The following LUZP2 variants were observed in gnomAD, a reference collection of about 807,000 sequenced individuals.
LUZP2 encodes the protein leucine zipper protein 2.
In LUZP2, 52 loss-of-function variants were observed where a neutral mutation model predicts 51.6. That is an observed-to-expected ratio of 1.01 (90% CI 0.81 to 1.27). The LOEUF (loss-of-function observed/expected upper bound fraction) is 1.27. Among genes scored for constraint, LUZP2 ranks in the 50% most tolerant of loss-of-function variants. The pLI, the probability that LUZP2 is intolerant of heterozygous loss-of-function variation, is 0.00. For synonymous variants in LUZP2, 154 were observed against 137.3 expected (o/e 1.12, Z -0.85); for missense variants, 436 against 395.4 (o/e 1.10, Z -0.87).
intron 1 of LUZP2, among the ~76,000 whole-genome samples, chr11:24,522,127 T>G (rs1242366992): frequency 1.3e-5 from 2 of 152,112 alleles, no homozygotes; most frequent in African/African-American, 4.8e-5. Context: ...TTAAATAAAG[T>G]GCTATGGTAG....
chr11:25,025,434 T>C (rs949743401), intron 9 of LUZP2, among the ~76,000 whole-genome samples: 18 of 152,022 alleles, frequency 1.2e-4, no homozygotes, highest in African/African-American at 4.3e-4. Context: ...ACAAATAATT[T>C]AAACAAATTT....
At chr11:24,653,441 T>C (rs1195752759) in intron 1 of LUZP2, among the ~76,000 whole-genome samples, 1 of 152,014 alleles carries the variant, frequency 6.6e-6, no homozygotes, top group Non-Finnish European at 1.5e-5. Flanking sequence ...CATTCATGGA[T>C]TTGATTTTGG....
chr11:25,066,674 T>C (rs1319214093), intron 10 of LUZP2, among the ~76,000 whole-genome samples: 2 of 151,968 alleles, frequency 1.3e-5, no homozygotes, highest in Non-Finnish European at 2.9e-5. Flanking sequence ...TGAGTTAGCA[T>C]GATAAAATCC....
chr11:24,618,451 C>A (rs1267462228), intron 1 of LUZP2, among the ~76,000 whole-genome samples: 2 of 152,068 alleles, frequency 1.3e-5, no homozygotes, highest in African/African-American at 4.8e-5. Context: ...GGAGTGGAGC[C>A]ACCATTTTTT....
intron 5 of LUZP2, among the ~76,000 whole-genome samples, chr11:24,790,546 G>T (rs180699308): frequency 6.6e-6 from 1 of 151,808 alleles, no homozygotes; most frequent in Admixed American, 6.6e-5. Context: ...CTGTCATCCA[G>T]CCTGTAGTGC....
At chr11:25,020,812 A>T (rs2133973917) in intron 9 of LUZP2, among the ~76,000 whole-genome samples, 1 of 152,096 alleles carries the variant, frequency 6.6e-6, no homozygotes, top group Non-Finnish European at 1.5e-5. Flanking sequence ...TATTCAATTG[A>T]TTGTATTCTG....
intron 1 of LUZP2, among the ~76,000 whole-genome samples, chr11:24,572,224 C>A (rs1852466757): frequency 6.6e-6 from 1 of 151,932 alleles, no homozygotes; most frequent in Non-Finnish European, 1.5e-5. Context: ...TGAATTATTT[C>A]AGTTTTTAGA....
At chr11:25,016,000 A>C (rs573851844) in intron 9 of LUZP2, among the ~76,000 whole-genome samples, 41 of 150,006 alleles carry the variant, frequency 2.7e-4, no homozygotes, top group African/African-American at 1.0e-3. Flanking sequence ...GGCTCACTGC[A>C]AGCTCCACCT....
At chr11:24,707,077 A>T (rs1857615169) in intron 1 of LUZP2, among the ~76,000 whole-genome samples, 1 of 152,008 alleles carries the variant, frequency 6.6e-6, no homozygotes, top group Non-Finnish European at 1.5e-5. Context: ...CTATTTACTC[A>T]TTCTTCTTCC....
At chr11:24,685,873 A>G (rs552382473) in intron 1 of LUZP2, among the ~76,000 whole-genome samples, 22 of 152,314 alleles carry the variant, frequency 1.4e-4, no homozygotes, top group African/African-American at 5.3e-4. Flanking sequence ...AAGAAATTTA[A>G]TTGTGAGTCT....
At chr11:24,788,100 G>A (rs184514811) in intron 5 of LUZP2, among the ~76,000 whole-genome samples, 5 of 151,566 alleles carry the variant, frequency 3.3e-5, no homozygotes, top group African/African-American at 9.7e-5. Flanking sequence ...TTACTACTTC[G>A]AAGCAATCCT....
At chr11:24,523,881 A>G (rs1850720072) in intron 1 of LUZP2, among the ~76,000 whole-genome samples, 1 of 151,820 alleles carries the variant, frequency 6.6e-6, no homozygotes. Context: ...TTTATATTTA[A>G]GTAAAGAAAA....
intron 9 of LUZP2, among the ~76,000 whole-genome samples, chr11:25,014,804 T>C (rs984824607): frequency 5.9e-5 from 9 of 152,214 alleles, no homozygotes; most frequent in African/African-American, 2.2e-4. Context: ...CTTTTGGTGT[T>C]TTAGACATGA....
intron 10 of LUZP2, among the ~76,000 whole-genome samples, chr11:25,054,437 C>T (rs945158265): frequency 2.0e-5 from 3 of 151,990 alleles, no homozygotes; most frequent in Non-Finnish European, 4.4e-5. Context: ...TCTCATATAA[C>T]GTGTGTGCTT....
At chr11:24,755,159 A>T (rs569716949) in intron 4 of LUZP2, among the ~76,000 whole-genome samples, 1 of 152,240 alleles carries the variant, frequency 6.6e-6, no homozygotes, top group African/African-American at 2.4e-5. Context: ...AACAGAAAAA[A>T]AAAACACACA....
chr11:25,053,080 A>G (rs1011969204), intron 10 of LUZP2, among the ~76,000 whole-genome samples: 5 of 152,176 alleles, frequency 3.3e-5, no homozygotes, highest in African/African-American at 1.2e-4. Context: ...GAGAGAGTAA[A>G]TAGGAACCTG....
At chr11:24,810,700 T>C (rs80222151) in intron 5 of LUZP2, among the ~76,000 whole-genome samples, 6,464 of 152,214 alleles carry the variant, frequency 0.042, 418 homozygotes, top group African/African-American at 0.14. Context: ...AACAAGGAGT[T>C]ACTGTCAAGA....
chr11:24,639,035 C>A (rs1174891674), intron 1 of LUZP2, among the ~76,000 whole-genome samples: 1 of 151,752 alleles, frequency 6.6e-6, no homozygotes, highest in Non-Finnish European at 1.5e-5. Context: ...ACTAAAAGCT[C>A]TAGACTCTTA....
intron 5 of LUZP2, among the ~76,000 whole-genome samples, chr11:24,772,543 G>A (rs142675267): frequency 6.6e-6 from 1 of 152,106 alleles, no homozygotes; most frequent in African/African-American, 2.4e-5. Context: ...CTTAAGTGAT[G>A]ATTTCTGTGA....
Sources: gnomAD v4.1 joint callset for allele counts (sites outside exome capture counted in the v4.1 genomes callset) on GRCh38, gnomAD v4.1.1 for gene constraint, MANE v1.5 for transcripts, NCBI Gene and HGNC (gene_info 2026-07-23, HGNC 2026-07-21) for gene names.